Variants in PLCB1 observed in about 807,000 individuals in gnomAD.
PLCB1 encodes 1-phosphatidylinositol 4,5-bisphosphate phosphodiesterase beta-1.
PLCB1 carries 46 observed loss-of-function variants against 161.8 expected under a neutral mutation model. The observed-to-expected ratio is 0.28, with a 90% confidence interval of 0.22 to 0.36. PLCB1 has a LOEUF of 0.36. Ranked by LOEUF, PLCB1 falls within the 10% of genes least tolerant of loss-of-function variation. The pLI is 1.00. For synonymous variants in PLCB1, 517 were observed against 503.7 expected, an observed-to-expected ratio of 1.03 and a Z score of -0.35; for missense variants, 1,016 against 1,472.5, an observed-to-expected ratio of 0.69 and a Z score of 5.07.
chr20:8,513,760 A>AGC (rs1416648260), intron 3 of PLCB1, among the ~76,000 whole-genome samples: 2 of 152,204 alleles, frequency 1.3e-5, no homozygotes. Context: ...TTGTAATCCC[A>AGC]GCACTTTGGG....
chr20:8,658,768 G>A, intron 9 of PLCB1, 64 bp downstream of exon 9: 1 of 1,365,092 alleles, frequency 7.3e-7, no homozygotes, highest in Non-Finnish European at 1.0e-6. Context: ...TCACACGCTG[G>A]GAGTTAGGAA....
intron 3 of PLCB1, among the ~76,000 whole-genome samples, chr20:8,466,540 A>C (rs1015789926): frequency 3.3e-5 from 5 of 152,132 alleles, no homozygotes; most frequent in Non-Finnish European, 7.4e-5. Flanking sequence ...GAAACAAAAC[A>C]CACATGGCAG....
Position 8,752,686 on chromosome 20 carries a change from G to A in PLCB1, c.2524-4360G>A, listed in dbSNP as rs189645595. 2.9e-3 allele frequency among the ~76,000 whole-genome samples: 439 copies of A among 151,842 alleles called. 1 individual carries two copies. Among genetic ancestry groups the A allele is most frequent in the African/African-American group, 0.01 (418 of 41,394 alleles). On this transcript the variant is annotated intron_variant, in intron 23 of 31. Coordinates refer to ENST00000338037, the MANE Select transcript of PLCB1 (RefSeq NM_015192.4). ...TGCATGCCTGTAATTCCAGCTACTC[G>A]GGAGGCTGAGGCAGGAGAATCGCTT...
intron 3 of PLCB1, among the ~76,000 whole-genome samples, chr20:8,594,713 A>G (rs558542969): frequency 6.6e-6 from 1 of 152,290 alleles, no homozygotes; most frequent in East Asian, 1.9e-4. Context: ...TTTTAAGACA[A>G]TGACATCAAT....
At chr20:8,625,060 G>T (rs1490471647) in intron 3 of PLCB1, among the ~76,000 whole-genome samples, 1 of 152,162 alleles carries the variant, frequency 6.6e-6, no homozygotes, top group Non-Finnish European at 1.5e-5. Flanking sequence ...TTGCATGCAA[G>T]TTGTCTATCA....
intron 3 of PLCB1, among the ~76,000 whole-genome samples, chr20:8,420,912 G>T (rs1054870863): frequency 6.6e-6 from 1 of 152,086 alleles, no homozygotes; most frequent in African/African-American, 2.4e-5. Flanking sequence ...CTTACTGGAA[G>T]TACATAAAAT....
intron 31 of PLCB1, among the ~76,000 whole-genome samples, chr20:8,834,238 A>C (rs531399349): frequency 1.2e-4 from 18 of 152,280 alleles, no homozygotes; most frequent in Middle Eastern, 3.4e-3. Context: ...AGCATGTTGG[A>C]TGTAGTAAAA....
chr20:8,785,850 C>T (rs1392125559), intron 27 of PLCB1, among the ~76,000 whole-genome samples: 1 of 152,116 alleles, frequency 6.6e-6, no homozygotes, highest in African/African-American at 2.4e-5. Context: ...ATTCTGAAGT[C>T]AGGTGAATGA....
At chr20:8,313,169 C>A (rs982770877) in intron 2 of PLCB1, among the ~76,000 whole-genome samples, 5 of 152,084 alleles carry the variant, frequency 3.3e-5, no homozygotes, top group African/African-American at 1.2e-4. Flanking sequence ...CTATATCAAT[C>A]ACCTATTTGT....
chr20:8,648,864 A>C (rs1337189181), intron 6 of PLCB1, among the ~76,000 whole-genome samples: 2 of 151,742 alleles, frequency 1.3e-5, no homozygotes, highest in Admixed American at 6.6e-5. Context: ...TCACTTGAGC[A>C]TGGGAAGTGG....
intron 2 of PLCB1, among the ~76,000 whole-genome samples, chr20:8,285,233 T>TTA (rs1208827425): frequency 5.4e-5 from 8 of 148,702 alleles, no homozygotes; most frequent in South Asian, 4.2e-4. Context: ...CGTTTTGCTT[T>TTA]TATATATATA....
intron 2 of PLCB1, among the ~76,000 whole-genome samples, chr20:8,327,939 A>G (rs6077348): frequency 0.24 from 35,750 of 151,982 alleles, 4,505 homozygotes; most frequent in South Asian, 0.44. Context: ...ATATACATAT[A>G]CAGTAATACA....
At chr20:8,495,548 C>T (rs1983130989) in intron 3 of PLCB1, among the ~76,000 whole-genome samples, 1 of 134,448 alleles carries the variant, frequency 7.4e-6, no homozygotes, top group South Asian at 2.5e-4. Flanking sequence ...CAGGCGCCCG[C>T]CACCATGGCC....
At chr20:8,682,852 C>T (rs552778335) in intron 9 of PLCB1, among the ~76,000 whole-genome samples, 12 of 151,992 alleles carry the variant, frequency 7.9e-5, no homozygotes, top group African/African-American at 2.4e-4. Flanking sequence ...CAAAAGTATG[C>T]GAAGTCTTTG....
chr20:8,268,832 T>C (rs1463957253), intron 2 of PLCB1, among the ~76,000 whole-genome samples: 1 of 141,296 alleles, frequency 7.1e-6, no homozygotes, highest in Non-Finnish European at 1.6e-5. Context: ...TCATTTTCTC[T>C]ATGTATTTTT....
intron 27 of PLCB1, among the ~76,000 whole-genome samples, chr20:8,786,048 G>A (rs1441996325): frequency 6.6e-6 from 1 of 151,966 alleles, no homozygotes; most frequent in Non-Finnish European, 1.5e-5. Flanking sequence ...CCTACCCCTA[G>A]ACATTTGGAG....
chr20:8,520,439 T>C (rs1044243430), intron 3 of PLCB1, among the ~76,000 whole-genome samples: 4 of 152,184 alleles, frequency 2.6e-5, no homozygotes, highest in Non-Finnish European at 4.4e-5. Context: ...AACTGATTTT[T>C]TTTTCTTTGT....
chr20:8,376,300 C>T (rs1371150142), intron 3 of PLCB1, among the ~76,000 whole-genome samples: 2 of 152,154 alleles, frequency 1.3e-5, no homozygotes, highest in South Asian at 4.1e-4. Context: ...AATGTAGATT[C>T]TTTGTAAATA....
At chr20:8,267,894 A>G (rs548694805) in intron 2 of PLCB1, among the ~76,000 whole-genome samples, 19 of 152,142 alleles carry the variant, frequency 1.2e-4, no homozygotes, top group African/African-American at 4.6e-4. Context: ...ACATATGAAG[A>G]CTTGGCCCAC....
Sources: gnomAD v4.1 joint callset for allele counts (sites outside exome capture counted in the v4.1 genomes callset) on GRCh38, gnomAD v4.1.1 for gene constraint, MANE v1.5 for transcripts, NCBI Gene and HGNC (gene_info 2026-07-23, HGNC 2026-07-21) for gene names.